The following RIT2 variants were observed in gnomAD, a reference collection of about 807,000 sequenced individuals.
RIT2 encodes the protein Ras like without CAAX 2, also known as GTP-binding protein Rit2.
RIT2 carries 24 observed loss-of-function variants against 23.7 expected under a neutral mutation model. That is an observed-to-expected ratio of 1.01 (90% CI 0.73 to 1.43). The LOEUF is 1.43. Ranked by LOEUF, RIT2 falls within the 40% of genes most tolerant of loss-of-function variation. RIT2 has a pLI of 0.00. For missense variants in RIT2, 236 were observed against 266.9 expected (o/e 0.88, Z 0.81); for synonymous variants, 107 against 91.1 (o/e 1.17, Z -0.99).
At chr18:42,798,110 T>C (rs1905426664) in intron 4 of RIT2, among the ~76,000 whole-genome samples, 1 of 152,236 alleles carries the variant, frequency 6.6e-6, no homozygotes, top group African/African-American at 2.4e-5. Context: ...TTTAAGCCAT[T>C]ATCCCAATAG....
intron 4 of RIT2, among the ~76,000 whole-genome samples, chr18:42,799,519 T>A (rs1022990792): frequency 6.6e-6 from 1 of 152,202 alleles, no homozygotes; most frequent in Non-Finnish European, 1.5e-5. Context: ...TGTTAGTTAC[T>A]TTTTTTCTCT....
intron 4 of RIT2, among the ~76,000 whole-genome samples, chr18:42,774,687 T>C (rs1298035810): frequency 6.6e-6 from 1 of 152,094 alleles, no homozygotes; most frequent in Non-Finnish European, 1.5e-5. Context: ...CTTACTCAAT[T>C]TGTTTATTTA....
At chr18:42,887,364 A>G (rs1387256415) in intron 4 of RIT2, among the ~76,000 whole-genome samples, 1 of 152,210 alleles carries the variant, frequency 6.6e-6, no homozygotes, top group South Asian at 2.1e-4. Flanking sequence ...AATGATTTGC[A>G]TATGTGATTT....
chr18:42,923,468 T>G (rs1909102092), intron 4 of RIT2, 104 bp downstream of exon 4: 1 of 941,372 alleles, frequency 1.1e-6, no homozygotes, highest in African/African-American at 1.7e-5. Context: ...TGTGCATAAT[T>G]TCTTTCTCAT....
chr18:43,026,218 AG>A, intron 2 of RIT2, among the ~76,000 whole-genome samples: 1 of 151,992 alleles, frequency 6.6e-6, no homozygotes, highest in Non-Finnish European at 1.5e-5. Context: ...AAAGAGTCAA[AG>A]GTTTTAGGTA....
chr18:43,030,175 A>G (rs1911821654), intron 2 of RIT2, among the ~76,000 whole-genome samples: 1 of 152,096 alleles, frequency 6.6e-6, no homozygotes, highest in Non-Finnish European at 1.5e-5. Context: ...TTTCATAGAC[A>G]TTAGTGATAT....
intron 4 of RIT2, among the ~76,000 whole-genome samples, chr18:42,832,532 T>C (rs1906488292): frequency 6.6e-6 from 1 of 152,172 alleles, no homozygotes; most frequent in Non-Finnish European, 1.5e-5. Flanking sequence ...TCTTATCTTT[T>C]ATTTATTTCT....
intron 4 of RIT2, among the ~76,000 whole-genome samples, chr18:42,850,634 A>C (rs549647726): frequency 6.9e-4 from 105 of 152,334 alleles, no homozygotes; most frequent in African/African-American, 2.4e-3. Context: ...AAAATGTTGA[A>C]GATATGTAAA....
chr18:42,854,487 T>C (rs1189048002), intron 4 of RIT2, among the ~76,000 whole-genome samples: 1 of 152,162 alleles, frequency 6.6e-6, no homozygotes, highest in Non-Finnish European at 1.5e-5. Context: ...GGGGAGGTTT[T>C]AAGCCTCCTT....
At chr18:42,778,844 G>A (rs997197470) in intron 4 of RIT2, among the ~76,000 whole-genome samples, 2 of 152,076 alleles carry the variant, frequency 1.3e-5, no homozygotes, top group Admixed American at 6.6e-5. Context: ...GGGCAAAGAC[G>A]GCACACACAA....
At chr18:42,874,995 TTAAAAC>T (rs1447744889) in intron 4 of RIT2, among the ~76,000 whole-genome samples, 1 of 152,068 alleles carries the variant, frequency 6.6e-6, no homozygotes, top group Non-Finnish European at 1.5e-5. Context: ...TTTACATAGT[TTAAAAC>T]TAAGCATAGA....
At chr18:42,956,907 A>G (rs1038673787) in intron 3 of RIT2, among the ~76,000 whole-genome samples, 1 of 152,122 alleles carries the variant, frequency 6.6e-6, no homozygotes, top group Non-Finnish European at 1.5e-5. Flanking sequence ...AGAGGAGTCC[A>G]TTGGTAGGAG....
At chr18:43,053,734 T>C (rs1224897880) in intron 1 of RIT2, among the ~76,000 whole-genome samples, 1 of 152,132 alleles carries the variant, frequency 6.6e-6, no homozygotes, top group Non-Finnish European at 1.5e-5. Context: ...CATTATCAAA[T>C]ATTGACAGAT....
At chr18:43,049,263 G>C (rs1425465444) in intron 1 of RIT2, among the ~76,000 whole-genome samples, 2 of 152,150 alleles carry the variant, frequency 1.3e-5, no homozygotes, top group African/African-American at 4.8e-5. Context: ...TCCAGGGTTT[G>C]ATAGAAAGAT....
chr18:43,067,933 C>T (rs1337116811), intron 1 of RIT2, among the ~76,000 whole-genome samples: 2 of 151,924 alleles, frequency 1.3e-5, no homozygotes, highest in Admixed American at 6.6e-5. Flanking sequence ...TTTTGGTATG[C>T]AAGACTATAC....
At chr18:42,812,865 A>G (rs1905890918) in intron 4 of RIT2, among the ~76,000 whole-genome samples, 1 of 152,194 alleles carries the variant, frequency 6.6e-6, no homozygotes, top group South Asian at 2.1e-4. Flanking sequence ...AATCATACAG[A>G]GTATTTCTCA....
chr18:42,836,760 T>G (rs1281248981), intron 4 of RIT2, among the ~76,000 whole-genome samples: 7 of 152,208 alleles, frequency 4.6e-5, no homozygotes, highest in Non-Finnish European at 8.8e-5. Context: ...TGATATATCA[T>G]CCTGTTTCCC....
At chr18:42,879,078 G>C (rs1412285806) in intron 4 of RIT2, among the ~76,000 whole-genome samples, 1 of 151,860 alleles carries the variant, frequency 6.6e-6, no homozygotes, top group Non-Finnish European at 1.5e-5. Flanking sequence ...AAATACATCA[G>C]GTATTTTACC....
chr18:42,798,276 C>A (rs776075420), intron 4 of RIT2, among the ~76,000 whole-genome samples: 4 of 152,134 alleles, frequency 2.6e-5, no homozygotes, highest in Non-Finnish European at 5.9e-5. Flanking sequence ...CATTCAGATC[C>A]ATTTCTGTTA....
Sources: gnomAD v4.1 joint callset for allele counts (sites outside exome capture counted in the v4.1 genomes callset) on GRCh38, gnomAD v4.1.1 for gene constraint, MANE v1.5 for transcripts, NCBI Gene and HGNC (gene_info 2026-07-23, HGNC 2026-07-21) for gene names.